The following PRKCA variants were observed in gnomAD, a reference collection of about 807,000 sequenced individuals.
PRKCA encodes protein kinase C alpha type.
In PRKCA, 27 loss-of-function variants were observed where a neutral mutation model predicts 87.0. The ratio of observed to expected loss-of-function variants is 0.31; its 90% confidence interval spans 0.23 to 0.43. The LOEUF is 0.43. Among genes scored for constraint, PRKCA ranks in the 20% least tolerant of loss-of-function variants. PRKCA has a pLI of 1.00. For synonymous variants in PRKCA, 329 were observed against 311.1 expected, an observed-to-expected ratio of 1.06 and a Z score of -0.61; for missense variants, 518 against 852.3, an observed-to-expected ratio of 0.61 and a Z score of 4.88.
chr17:66,496,654 C>T (rs1021810668), intron 3 of PRKCA, among the ~76,000 whole-genome samples: 2 of 151,344 alleles, frequency 1.3e-5, no homozygotes, highest in East Asian at 1.9e-4. Context: ...CCACCCCTCC[C>T]GTCCTCTTCG....
intron 2 of PRKCA, among the ~76,000 whole-genome samples, chr17:66,377,467 A>T (rs555241233): frequency 2.0e-5 from 3 of 150,876 alleles, no homozygotes; most frequent in East Asian, 1.9e-4. Context: ...GCTTTTATAT[A>T]TATAGATATA....
Position 66,810,013 on chromosome 17 carries a change from G to A in PRKCA, c.*5976G>A, listed in dbSNP as rs896264814. ...ACTTCGATCTCCCAAGATATAAGAG[G>A]CAGCAGCAAACGTGCCTATTGACGT... On this transcript the variant is annotated 3_prime_UTR_variant, in exon 17 of 17. Transcript: ENST00000413366. 1 of 152,238 alleles carries A rather than the reference G, an allele frequency of 6.6e-6. No individual in the cohort carries two copies. The highest frequency in any genetic ancestry group is 1.5e-5 in the Non-Finnish European group (1 of 68,040). 9.4% of individuals were successfully genotyped at this position (152,238 alleles called of 1,614,324 possible). A position where few individuals can be genotyped will look rare whatever the true frequency, so the allele number is the denominator to read the frequency against.
intron 3 of PRKCA, among the ~76,000 whole-genome samples, chr17:66,521,490 A>G (rs1049434196): frequency 2.0e-5 from 3 of 152,172 alleles, no homozygotes; most frequent in Admixed American, 1.3e-4. Context: ...ACTATCTCCC[A>G]AGATTCCAGA....
intron 3 of PRKCA, among the ~76,000 whole-genome samples, chr17:66,608,957 C>T (rs776576732): frequency 3.9e-5 from 6 of 152,134 alleles, no homozygotes; most frequent in South Asian, 2.1e-4. Flanking sequence ...ACAATCAATC[C>T]GCCTCTCCCC....
intron 13 of PRKCA, among the ~76,000 whole-genome samples, chr17:66,772,895 T>G (rs972421127): frequency 6.6e-6 from 1 of 152,210 alleles, no homozygotes; most frequent in African/African-American, 2.4e-5. Context: ...TTTTTTTAAT[T>G]TAAGATATGT....
At chr17:66,395,968 T>A (rs1239429495) in intron 2 of PRKCA, among the ~76,000 whole-genome samples, 1 of 152,168 alleles carries the variant, frequency 6.6e-6, no homozygotes, top group African/African-American at 2.4e-5. Flanking sequence ...CCAACATTGA[T>A]GTTTAACCTG....
chr17:66,742,484 GAT>G (rs1348927466), intron 12 of PRKCA, 136 bp from the exon 13 acceptor site: 1 of 900,582 alleles, frequency 1.1e-6, no homozygotes, highest in Non-Finnish European at 1.7e-6. Context: ...ATTGACTTCT[GAT>G]ACTACAGTCC....
intron 2 of PRKCA, among the ~76,000 whole-genome samples, chr17:66,477,529 G>A (rs184215054): frequency 7.4e-4 from 112 of 152,144 alleles, no homozygotes; most frequent in African/African-American, 2.6e-3. Context: ...GTGAAACCCC[G>A]TCTCTACTAA....
chr17:66,786,843 C>T (rs1404777120), intron 14 of PRKCA, 24 bp from the exon 15 acceptor site: 1 of 1,589,294 alleles, frequency 6.3e-7, no homozygotes, highest in South Asian at 1.1e-5. Flanking sequence ...AATACTTTCC[C>T]ATCTTTCTTT....
chr17:66,480,049 A>T (rs553896539), intron 2 of PRKCA, among the ~76,000 whole-genome samples: 1 of 150,580 alleles, frequency 6.6e-6, no homozygotes, highest in African/African-American at 2.4e-5. Flanking sequence ...ACAATTCATC[A>T]TATTTATTTT....
intron 2 of PRKCA, among the ~76,000 whole-genome samples, chr17:66,369,886 C>A (rs916852169): frequency 6.6e-6 from 1 of 152,228 alleles, no homozygotes; most frequent in East Asian, 1.9e-4. Context: ...CCAAAGAACT[C>A]GAGCAGCCTG....
At chr17:66,446,238 A>AAC (rs202026912) in intron 2 of PRKCA, among the ~76,000 whole-genome samples, 23,015 of 150,810 alleles carry the variant, frequency 0.15, 1,861 homozygotes, top group East Asian at 0.2. Flanking sequence ...CTCTCTTCCC[A>AAC]ACACACACAC....
chr17:66,762,170 A>G (rs1469321393), intron 13 of PRKCA, among the ~76,000 whole-genome samples: 2 of 152,210 alleles, frequency 1.3e-5, no homozygotes, highest in African/African-American at 4.8e-5. Context: ...GGTGCCAACA[A>G]TCATTTGAGT....
rs139304694 is a variant in PRKCA, at chr17:66,661,003, C to T, written c.529+15492C>T. Among the ~76,000 whole-genome samples the T allele has an allele frequency of 5.1e-3, 784 of 152,258 alleles. 11 individuals are homozygous for T. Among genetic ancestry groups the T allele is most frequent in the African/African-American group, 0.016 (674 of 41,534 alleles). ...AAAAGAAATCTAGAGTATCGTGAAA[C>T]GCAAGGGTGGGAATGCCTTGGAGCC... is the stretch of plus-strand genomic sequence containing the variant. On this transcript the variant is annotated intron_variant, in intron 5 of 16. Transcript: ENST00000413366.
At chr17:66,482,113 A>AAG (rs1555609710) in intron 2 of PRKCA, among the ~76,000 whole-genome samples, 32 of 145,964 alleles carry the variant, frequency 2.2e-4, no homozygotes, top group Non-Finnish European at 3.6e-4. Flanking sequence ...AAAAAAAAAA[A>AAG]AAAAGAAAAA....
intron 2 of PRKCA, among the ~76,000 whole-genome samples, chr17:66,418,745 G>A (rs1034665101): frequency 1.4e-5 from 2 of 147,724 alleles, no homozygotes; most frequent in East Asian, 2.1e-4. Context: ...CGGTTTCAGC[G>A]TTTTTCTTTG....
rs1476613116 is a variant in PRKCA, at chr17:66,449,346, T to C, written c.206-46855T>C. Among the ~76,000 whole-genome samples the C allele has an allele frequency of 2.0e-5, 3 of 152,206 alleles. No individual in the cohort carries two copies. In the East Asian group the frequency reaches 5.8e-4, roughly 29 times the overall value. On this transcript the variant is annotated intron_variant, in intron 2 of 16. Transcript: ENST00000413366. ...AAGCATGAGCTTTAAAGTGAATGGA[T>C]AGGTAGAGAGATTGAGGAATTTTTT... is the stretch of plus-strand genomic sequence containing the variant.
intron 5 of PRKCA, among the ~76,000 whole-genome samples, chr17:66,660,308 T>C (rs747203145): frequency 5.9e-5 from 9 of 152,172 alleles, no homozygotes; most frequent in Non-Finnish European, 8.8e-5. Flanking sequence ...TGTTTAGATG[T>C]TATCTTTAAT....
chr17:66,486,422 C>T (rs1454966377), intron 2 of PRKCA, among the ~76,000 whole-genome samples: 1 of 152,178 alleles, frequency 6.6e-6, no homozygotes, highest in Non-Finnish European at 1.5e-5. Flanking sequence ...GCTTCTGGGC[C>T]ATCATGGGCG....
Sources: allele counts gnomAD v4.1 joint callset (sites outside exome capture counted in the v4.1 genomes callset), GRCh38; gene constraint gnomAD v4.1.1; transcripts MANE v1.5; gene names NCBI Gene and HGNC (gene_info 2026-07-23, HGNC 2026-07-21).